The following ACTR10 variants were observed in gnomAD, a reference collection of about 807,000 sequenced individuals.
ACTR10 encodes the protein actin-related protein 10.
A neutral mutation model predicts 56.2 loss-of-function variants in ACTR10; 43 were observed. That is an observed-to-expected ratio of 0.77 (90% CI 0.60 to 0.99). The LOEUF (loss-of-function observed/expected upper bound fraction) is 0.99, where lower values mean the gene tolerates loss of function less well. Ranked by LOEUF, ACTR10 falls within the 50% of genes least tolerant of loss-of-function variation. The pLI, the probability that ACTR10 is intolerant of heterozygous loss-of-function variation, is 0.00. For synonymous variants in ACTR10, 170 were observed against 176.3 expected (o/e 0.96, Z 0.28); for missense variants, 466 against 507.8 (o/e 0.92, Z 0.79).
intron 1 of ACTR10, among the ~76,000 whole-genome samples, chr14:58,202,261 G>C (rs941986918): frequency 2.0e-5 from 3 of 152,014 alleles, no homozygotes; most frequent in African/African-American, 7.2e-5. Flanking sequence ...GATATGTCTT[G>C]CCTAAATTCT....
At chr14:58,211,194 T>G (rs1331220827) in intron 4 of ACTR10, 98 bp from the exon 5 acceptor site, 1 of 833,924 alleles carries the variant, frequency 1.2e-6, no homozygotes, top group African/African-American at 1.7e-5. Context: ...AATATAATGT[T>G]CCTGTGAATT....
At chr14:58,232,482 C>T (rs1377828209) in intron 12 of ACTR10, among the ~76,000 whole-genome samples, 1 of 126,904 alleles carries the variant, frequency 7.9e-6, no homozygotes, top group African/African-American at 3.1e-5. Flanking sequence ...GTGGTGCGAT[C>T]TCGGCTCACT....
intron 7 of ACTR10, among the ~76,000 whole-genome samples, chr14:58,219,338 A>G (rs1889212275): frequency 6.6e-6 from 1 of 152,246 alleles, no homozygotes; most frequent in Non-Finnish European, 1.5e-5. Flanking sequence ...ATGAATAAGT[A>G]CTTTCTCAGT....
intron 2 of ACTR10, 108 bp from the exon 3 acceptor site, chr14:58,207,828 T>C (rs1188752402): frequency 1.6e-5 from 10 of 618,752 alleles, no homozygotes; most frequent in Non-Finnish European, 1.9e-5. Flanking sequence ...CAATACAGAT[T>C]GCTTTTAATT....
chr14:58,221,397 C>T lies in ACTR10; in HGVS notation c.634+1668C>T, dbSNP rs549370232. Among the ~76,000 whole-genome samples, 14 of 151,962 alleles carry T rather than the reference C, an allele frequency of 9.2e-5. No individual in the cohort carries two copies. In the South Asian group the frequency reaches 2.7e-3, roughly 29 times the overall value. ...TCACTAGAGCCCAGGAGTTCAAGAC[C>T]AGCCTGGACAACGTGATGAACCCTG... On this transcript the variant is annotated intron_variant, in intron 8 of 12. Transcript: ENST00000254286.
intron 2 of ACTR10, among the ~76,000 whole-genome samples, chr14:58,205,717 T>G (rs1316207577): frequency 6.6e-6 from 1 of 152,036 alleles, no homozygotes; most frequent in Non-Finnish European, 1.5e-5. Context: ...TATTGGTGGT[T>G]TGATGTTCAA....
chr14:58,217,245 A>G (rs1889153287), intron 7 of ACTR10, among the ~76,000 whole-genome samples: 1 of 152,216 alleles, frequency 6.6e-6, no homozygotes, highest in Non-Finnish European at 1.5e-5. Context: ...TTTTCTAGTC[A>G]ACCTTGTACT....
intron 10 of ACTR10, among the ~76,000 whole-genome samples, chr14:58,227,636 G>A (rs1345794458): frequency 6.6e-6 from 1 of 152,200 alleles, no homozygotes; most frequent in African/African-American, 2.4e-5. Context: ...AAGTCTGCAG[G>A]CATAGTGGCA....
At chr14:58,230,371 G>GA in intron 10 of ACTR10, 28 bp from the exon 11 acceptor site, 1 of 1,386,054 alleles carries the variant, frequency 7.2e-7, no homozygotes. Flanking sequence ...GACACCAACA[G>GA]AAAGCTCTCT....
chr14:58,220,862 A>C (rs902490441), intron 8 of ACTR10, among the ~76,000 whole-genome samples: 1 of 152,220 alleles, frequency 6.6e-6, no homozygotes, highest in South Asian at 2.1e-4. Flanking sequence ...GAAGTTTGCT[A>C]ACTTCATTAT....
Position 58,223,683 on chromosome 14 carries a change from T to A in ACTR10, c.696T>A (p.Asn232Lys). The A allele has an allele frequency of 6.2e-7, 1 of 1,612,852 alleles. No homozygotes were observed. Among genetic ancestry groups the A allele is most frequent in the South Asian group, 1.1e-5 (1 of 90,790 alleles). ...RGLKIQAAKF[N>K]IDGNNERPSP... The stretch of plus-strand genomic sequence containing the variant: ...TAAAAATCCAAGCAGCAAAATTTAA[T>A]ATTGATGGGAATAATGAGGTAAGTT... The change falls in exon 9 of 13, where the codon AAT (asparagine) becomes AAA (lysine). Residue 232 changes from asparagine (N) to lysine (K), a missense_variant. Coordinates refer to ENST00000254286, the MANE Select transcript of ACTR10 (RefSeq NM_018477.3).
intron 4 of ACTR10, 60 bp from the exon 5 acceptor site, chr14:58,211,232 A>G: frequency 2.3e-6 from 3 of 1,277,520 alleles, no homozygotes; most frequent in Non-Finnish European, 3.4e-6. Context: ...ATATAAGGCA[A>G]ATACCTTCAA....
chr14:58,200,425 C>T (rs1888677837), intron 1 of ACTR10, 131 bp downstream of exon 1: 2 of 622,946 alleles, frequency 3.2e-6, no homozygotes, highest in Non-Finnish European at 2.4e-6. Flanking sequence ...AACCAGCGCC[C>T]TTGCAAATAA....
chr14:58,220,830 C>T (rs1889247829), intron 8 of ACTR10, among the ~76,000 whole-genome samples: 1 of 152,058 alleles, frequency 6.6e-6, no homozygotes. Flanking sequence ...TGTTGTATCC[C>T]ATCTAAAAAG....
intron 10 of ACTR10, among the ~76,000 whole-genome samples, chr14:58,224,346 C>A (rs1889350460): frequency 6.6e-6 from 1 of 152,064 alleles, no homozygotes; most frequent in South Asian, 2.1e-4. Flanking sequence ...AAATTATCTC[C>A]TATTTATCAA....
chr14:58,221,558 C>A (rs1889269946), intron 8 of ACTR10, among the ~76,000 whole-genome samples: 1 of 152,060 alleles, frequency 6.6e-6, no homozygotes, highest in African/African-American at 2.4e-5. Context: ...CAAGTTCAGA[C>A]CACTGCACTC....
At chr14:58,209,139 C>T (rs754903055) in intron 4 of ACTR10, 32 bp downstream of exon 4, 14 of 1,387,076 alleles carry the variant, frequency 1.0e-5, no homozygotes, top group Non-Finnish European at 1.4e-5. Flanking sequence ...AAGTAAATTG[C>T]TTTTGAAATA....
chr14:58,216,651 C>T (rs1313886417), intron 7 of ACTR10, among the ~76,000 whole-genome samples: 4 of 152,164 alleles, frequency 2.6e-5, no homozygotes, highest in African/African-American at 9.7e-5. Flanking sequence ...CCTAGCACAG[C>T]CCTGTGCCTT....
intron 2 of ACTR10, among the ~76,000 whole-genome samples, chr14:58,204,213 C>G (rs1167990563): frequency 1.4e-5 from 2 of 145,760 alleles, no homozygotes; most frequent in Non-Finnish European, 3.0e-5. Flanking sequence ...AAACCCATCT[C>G]TACTAAAAAA....
Sources: gnomAD v4.1 joint callset for allele counts (sites outside exome capture counted in the v4.1 genomes callset) on GRCh38, gnomAD v4.1.1 for gene constraint, MANE v1.5 for transcripts, NCBI Gene and HGNC (gene_info 2026-07-23, HGNC 2026-07-21) for gene names.